Variants in TANC1 observed in about 807,000 individuals in gnomAD.
TANC1 encodes the protein tetratricopeptide repeat, ankyrin repeat and coiled-coil containing 1, also known as protein TANC1.
Under a neutral mutation model 149.7 loss-of-function variants are expected in TANC1, and 77 were observed. That is an observed-to-expected ratio of 0.51 (90% CI 0.43 to 0.62). TANC1 has a LOEUF of 0.62. Ranked by LOEUF, TANC1 falls within the 20% of genes least tolerant of loss-of-function variation. The pLI, the probability that TANC1 is intolerant of heterozygous loss-of-function variation, is 0.00. For missense variants in TANC1, 1,985 were observed against 2,321.8 expected (o/e 0.85, Z 2.98); for synonymous variants, 854 against 925.0 (o/e 0.92, Z 1.39).
chr2:159,084,306 C>T (rs566118881), intron 3 of TANC1, among the ~76,000 whole-genome samples: 2 of 152,024 alleles, frequency 1.3e-5, no homozygotes, highest in African/African-American at 4.8e-5. Context: ...GCTCCCCCCC[C>T]AATACAGGCC....
chr2:159,219,551 A>G (rs1160432582), intron 21 of TANC1, 141 bp from the exon 22 acceptor site: 1 of 1,280,514 alleles, frequency 7.8e-7, no homozygotes, highest in African/African-American at 1.5e-5. Context: ...CCATTCTGCC[A>G]GCCCATCCGG....
At chr2:159,055,321 T>C (rs1357274032) in intron 2 of TANC1, among the ~76,000 whole-genome samples, 1 of 152,244 alleles carries the variant, frequency 6.6e-6, no homozygotes, top group Non-Finnish European at 1.5e-5. Context: ...GCTGCATGGC[T>C]ACTGGGTCCC....
intron 2 of TANC1, 58 bp from the exon 3 acceptor site, chr2:159,065,838 A>G: frequency 7.1e-7 from 1 of 1,414,510 alleles, no homozygotes; most frequent in South Asian, 1.2e-5. Flanking sequence ...TCAAGACACA[A>G]GTTATATTCC....
chr2:159,172,601 G>A (rs2055380639), intron 11 of TANC1, among the ~76,000 whole-genome samples: 2 of 152,184 alleles, frequency 1.3e-5, no homozygotes, highest in South Asian at 4.2e-4. Context: ...AGGAAATTGG[G>A]AGCTTTTGAC....
chr2:159,139,397 G>A (rs1488290512), intron 5 of TANC1, among the ~76,000 whole-genome samples: 1 of 152,158 alleles, frequency 6.6e-6, no homozygotes, highest in Non-Finnish European at 1.5e-5. Context: ...AATAAGCTGT[G>A]TGTCAGGTAG....
intron 19 of TANC1, among the ~76,000 whole-genome samples, chr2:159,208,045 A>T (rs2058745120): frequency 6.6e-6 from 1 of 152,318 alleles, no homozygotes; most frequent in Non-Finnish European, 1.5e-5. Context: ...GGGGCAGATG[A>T]TATAACCCCT....
chr2:159,123,943 G>T (rs1355746251), intron 4 of TANC1, among the ~76,000 whole-genome samples: 3 of 152,110 alleles, frequency 2.0e-5, no homozygotes. Flanking sequence ...TCCCGCTGCT[G>T]TTTTTCCCAA....
At chr2:159,159,810 T>G (rs1426831937) in intron 7 of TANC1, among the ~76,000 whole-genome samples, 11 of 151,596 alleles carry the variant, frequency 7.3e-5, no homozygotes, top group Admixed American at 7.2e-4. Context: ...TTGATGGTTC[T>G]CAGCCTATCT....
chr2:159,004,823 C>G (rs763575161), intron 2 of TANC1, among the ~76,000 whole-genome samples: 1 of 152,122 alleles, frequency 6.6e-6, no homozygotes, highest in African/African-American at 2.4e-5. Flanking sequence ...CAGACAGACA[C>G]ACACACAAAT....
Position 159,082,178 on chromosome 2 carries a change from A to G in TANC1, c.62-15459A>G, listed in dbSNP as rs529191522. Among the ~76,000 whole-genome samples, 4 of 152,272 alleles carry G rather than the reference A, an allele frequency of 2.6e-5. No individual in the cohort carries two copies. In the East Asian group the frequency reaches 7.8e-4, roughly 30 times the overall value. On this transcript the variant is annotated intron_variant, in intron 3 of 26. Coordinates refer to ENST00000263635, the MANE Select transcript of TANC1 (RefSeq NM_033394.3). ...TGGGGTCCTGTTTTCTGGTCGTGTGATCCCAGGGGTGCACACAGGCCCCTT... is the reference window on the plus strand; with the variant it reads ...TGGGGTCCTGTTTTCTGGTCGTGTGGTCCCAGGGGTGCACACAGGCCCCTT...
At chr2:159,183,908 A>G (rs917351835) in intron 14 of TANC1, among the ~76,000 whole-genome samples, 2 of 152,102 alleles carry the variant, frequency 1.3e-5, no homozygotes, top group Non-Finnish European at 2.9e-5. Flanking sequence ...GTCCCCTCCC[A>G]TTGCTTAGAG....
chr2:159,147,288 G>A (rs1433387765), intron 5 of TANC1, among the ~76,000 whole-genome samples: 1 of 152,214 alleles, frequency 6.6e-6, no homozygotes, highest in African/African-American at 2.4e-5. Flanking sequence ...AAGGGAAGGG[G>A]GGTGTGGAGT....
At chr2:159,128,192 CTCAAATCACA>C (rs1448523243) in intron 4 of TANC1, among the ~76,000 whole-genome samples, 2 of 152,202 alleles carry the variant, frequency 1.3e-5, no homozygotes, top group Non-Finnish European at 1.5e-5. Flanking sequence ...GTAGTAGTGA[CTCAAATCACA>C]CTGATCTTTT....
In TANC1 at chr2:159,117,691, C is replaced by T. The variant is rs559016559; in HGVS notation, c.260-18503C>T. Among the ~76,000 whole-genome samples, 245 of 146,684 alleles carry T rather than the reference C, an allele frequency of 1.7e-3. 1 individual carries two copies. The highest frequency in any genetic ancestry group is 4.4e-3 in the African/African-American group (173 of 39,686). ...GATTACAGGCGTGAGCCACCGTGCC[C>T]GGCCTATTCCTTTTTTTTTTTTTTT... is the stretch of plus-strand genomic sequence containing the variant. On this transcript the variant is annotated intron_variant, in intron 4 of 26. Coordinates refer to ENST00000263635, the MANE Select transcript of TANC1 (RefSeq NM_033394.3).
intron 24 of TANC1, chr2:159,226,243 G>A (rs1004975699): frequency 5.7e-6 from 1 of 176,364 alleles, no homozygotes; most frequent in Non-Finnish European, 1.2e-5. Flanking sequence ...TATCTTTCCG[G>A]CAGAATCTTA....
intron 2 of TANC1, chr2:159,003,942 C>G: frequency 1.2e-6 from 2 of 1,612,750 alleles, no homozygotes; most frequent in East Asian, 4.5e-5. Context: ...AGAACAGCCA[C>G]AGCTGATGAC....
intron 2 of TANC1, among the ~76,000 whole-genome samples, chr2:159,015,702 A>T (rs2038204533): frequency 6.6e-6 from 1 of 152,140 alleles, no homozygotes; most frequent in African/African-American, 2.4e-5. Context: ...TCTGTCAGAT[A>T]CCCTAAATCA....
At chr2:159,105,375 A>G (rs2047079617) in intron 4 of TANC1, among the ~76,000 whole-genome samples, 1 of 152,178 alleles carries the variant, frequency 6.6e-6, no homozygotes, top group African/African-American at 2.4e-5. Flanking sequence ...TTATGGTGAA[A>G]TACATATAAC....
chr2:159,183,176 G>A (rs866510638), intron 14 of TANC1, among the ~76,000 whole-genome samples: 52 of 152,310 alleles, frequency 3.4e-4, no homozygotes, highest in African/African-American at 1.2e-3. Flanking sequence ...TTGGCCTCAT[G>A]GGCAGAGTAG....
Sources: gnomAD v4.1 joint callset for allele counts (sites outside exome capture counted in the v4.1 genomes callset) on GRCh38, gnomAD v4.1.1 for gene constraint, MANE v1.5 for transcripts, NCBI Gene and HGNC (gene_info 2026-07-23, HGNC 2026-07-21) for gene names.